Variants in RAB36 observed in about 807,000 individuals in gnomAD.
The protein encoded by RAB36 is RAB36, member RAS oncogene family.
A neutral mutation model predicts 39.3 loss-of-function variants in RAB36; 33 were observed. That is an observed-to-expected ratio of 0.84 (90% CI 0.64 to 1.12). The LOEUF (loss-of-function observed/expected upper bound fraction) is 1.12. Ranked by LOEUF, RAB36 falls within the 50% of genes most tolerant of loss-of-function variation. The probability of loss-of-function intolerance (pLI) is 0.00; values close to 1 mark genes in which losing one functional copy is unlikely to be tolerated. For missense variants in RAB36, 308 were observed against 355.3 expected, an observed-to-expected ratio of 0.87 and a Z score of 1.07; for synonymous variants, 133 against 140.2, an observed-to-expected ratio of 0.95 and a Z score of 0.36.
chr22:23,152,376 A>C, intron 3 of RAB36, 85 bp from the exon 4 acceptor site: 10 of 1,365,692 alleles, frequency 7.3e-6, no homozygotes, highest in African/African-American at 1.4e-5. Flanking sequence ...TCACCAGCAG[A>C]GAGCTCAGGG....
At position 23,161,519 on chromosome 22, in the gene RAB36, C is replaced by T. The variant is rs114387774; in HGVS notation, c.759C>T (p.Pro253=). The T allele has an allele frequency of 2.1e-4, 338 of 1,612,916 alleles. No homozygotes were observed. In the African/African-American group the frequency reaches 3.7e-3, roughly 18 times the overall value. Residue 253 remains proline, a synonymous_variant, in exon 11 of 11, where the codon CCC becomes CCT. Transcript: ENST00000263116. ...TTACAGAAATGGAAGGGAGTCCGCC[C>T]GAGACCCAGGAGAGCAAGAGGCCCT... is the stretch of plus-strand genomic sequence containing the variant. ...GDLIQMEGSP[P]ETQESKRPSS... is the part of the protein sequence containing the mutation.
At position 23,162,374 on chromosome 22, in the gene RAB36, C is replaced by T; in HGVS notation, c.*810C>T. 1 of 338,832 alleles carries T rather than the reference C, an allele frequency of 3.0e-6. No individual in the cohort carries two copies. Among genetic ancestry groups the T allele is most frequent in the Non-Finnish European group, 5.9e-6 (1 of 170,212 alleles). The allele number at this position is 338,832 out of a possible 1,614,324, so 21.0% of individuals were successfully genotyped here. A position where few individuals can be genotyped will look rare whatever the true frequency, so the allele number is the denominator to read the frequency against. On this transcript the variant is annotated 3_prime_UTR_variant, in exon 11 of 11. Coordinates refer to ENST00000263116, the MANE Select transcript of RAB36 (RefSeq NM_004914.5). ...TGCACAGCTGTCCTAGGGTAACTCA[C>T]TCTGCAGCCCTTGAACATGGCACTG...
chr22:23,154,195 A>G (rs1455397176), intron 5 of RAB36, among the ~76,000 whole-genome samples: 1 of 146,956 alleles, frequency 6.8e-6, no homozygotes, highest in Non-Finnish European at 1.5e-5. Flanking sequence ...CCTCACCTCT[A>G]CTCTCCTGTG....
intron 5 of RAB36, among the ~76,000 whole-genome samples, chr22:23,153,964 C>T (rs995463447): frequency 2.2e-4 from 33 of 152,142 alleles, no homozygotes; most frequent in African/African-American, 8.0e-4. Flanking sequence ...GCTGGGATTA[C>T]AGGTGTGAGC....
At chr22:23,160,537 C>T (rs1479300180) in intron 9 of RAB36, among the ~76,000 whole-genome samples, 2 of 152,204 alleles carry the variant, frequency 1.3e-5, no homozygotes, top group Non-Finnish European at 2.9e-5. Flanking sequence ...TCCTGAGTTC[C>T]ACATCTTCCA....
rs1601956462 is a variant in RAB36 at position 23,162,833 on chromosome 22, T to C, written c.*1269T>C. ...AATGTTCAGCTCAGCGATTGCCAAATACCAGTTAGGGAAGAACACTGGCAT... is the reference window on the plus strand; with the variant it reads ...AATGTTCAGCTCAGCGATTGCCAAACACCAGTTAGGGAAGAACACTGGCAT... On this transcript the variant is annotated 3_prime_UTR_variant, in exon 11 of 11. Coordinates refer to ENST00000263116, the MANE Select transcript of RAB36 (RefSeq NM_004914.5). 2 of 438,266 alleles carry C rather than the reference T, an allele frequency of 4.6e-6. No individual in the cohort carries two copies. Among genetic ancestry groups the C allele is most frequent in the South Asian group, 3.1e-5 (2 of 63,850 alleles). The allele number at this position is 438,266 out of a possible 1,614,324, so 27.1% of individuals were successfully genotyped here. A position where few individuals can be genotyped will look rare whatever the true frequency, so the allele number is the denominator to read the frequency against.
intron 1 of RAB36, among the ~76,000 whole-genome samples, chr22:23,146,293 TG>T (rs2070766168): frequency 6.6e-6 from 1 of 152,122 alleles, no homozygotes. Flanking sequence ...ACTGCACCCT[TG>T]ACCTCCCAGG....
chr22:23,167,943 A>G (rs572803358), downstream of RAB36, among the ~76,000 whole-genome samples: 18 of 151,934 alleles, frequency 1.2e-4, no homozygotes, highest in South Asian at 6.2e-4. Flanking sequence ...ACTTTCCATC[A>G]TCAAGCAATC....
Position 23,150,089 on chromosome 22 carries a change from G to A in RAB36, c.96G>A (p.Gln32=). ...PKWYTPEACL[Q]LREHFHGQVS... is the part of the protein sequence containing the mutation. ...GGTACACGCCGGAAGCCTGTTTGCAGCTCAGGGAGCACTTCCACGGGCAGG... is the reference window on the plus strand; with the variant it reads ...GGTACACGCCGGAAGCCTGTTTGCAACTCAGGGAGCACTTCCACGGGCAGG... Residue 32 remains glutamine (Q), a synonymous_variant, in exon 3 of 11, where the codon CAG becomes CAA. Transcript: ENST00000263116. 1.9e-6 allele frequency: 3 copies of A among 1,611,970 alleles called. No individual in the cohort carries two copies. Among genetic ancestry groups the A allele is most frequent in the East Asian group, 2.2e-5 (1 of 44,798 alleles).
downstream of RAB36, among the ~76,000 whole-genome samples, chr22:23,168,111 C>A (rs867067857): frequency 6.6e-6 from 1 of 152,188 alleles, no homozygotes; most frequent in East Asian, 1.9e-4. Flanking sequence ...CTGGAGCCCC[C>A]TTTCTGGCCC....
intron 2 of RAB36, among the ~76,000 whole-genome samples, chr22:23,148,244 A>G (rs1310049775): frequency 6.6e-6 from 1 of 152,144 alleles, no homozygotes; most frequent in African/African-American, 2.4e-5. Context: ...ACAGTTCCCC[A>G]TGGGTTTTCC....
chr22:23,161,756 C>T lies in RAB36; in HGVS notation c.*192C>T. On this transcript the variant is annotated 3_prime_UTR_variant, in exon 11 of 11. Coordinates refer to ENST00000263116, the MANE Select transcript of RAB36 (RefSeq NM_004914.5). ...TCACTTGTCCGTTGCAGGTTGGGCA[C>T]TAGAAAAGGCCCCCACTGGCTGCCT... 1 of 578,054 alleles carries T rather than the reference C, an allele frequency of 1.7e-6. No homozygotes were observed. The highest frequency in any genetic ancestry group is 3.1e-6 in the Non-Finnish European group (1 of 326,318). The allele number at this position is 578,054 out of a possible 1,614,324, so 35.8% of individuals were successfully genotyped here. A position where few individuals can be genotyped will look rare whatever the true frequency, so the allele number is the denominator to read the frequency against.
chr22:23,158,182 A>C, intron 7 of RAB36, 139 bp downstream of exon 7: 3 of 1,502,092 alleles, frequency 2.0e-6, no homozygotes, highest in Non-Finnish European at 2.7e-6. Flanking sequence ...CCAGCTGCCC[A>C]CGGACTACTT....
At chr22:23,155,579 G>A (rs562025867) in intron 5 of RAB36, among the ~76,000 whole-genome samples, 12 of 152,304 alleles carry the variant, frequency 7.9e-5, no homozygotes, top group African/African-American at 2.2e-4. Flanking sequence ...TGGAGGCCCC[G>A]CCTGGAGCCC....
In RAB36 at chr22:23,160,895, A is replaced by G; in HGVS notation, c.636A>G (p.Ala212=). ...VSAKTGENVK[A]FFSRVAALAF... is the part of the protein sequence containing the mutation. ...GGCCCACAGGCGAGAACGTGAAGGC[A>G]TTCTTCAGCCGCGTAGCCGCCCTGG... Residue 212 remains alanine, a synonymous_variant, in exon 10 of 11, where the codon GCA becomes GCG. Coordinates refer to ENST00000263116, the MANE Select transcript of RAB36 (RefSeq NM_004914.5). 6.2e-7 allele frequency: 1 copy of G among 1,613,758 alleles called. No individual in the cohort carries two copies. The highest frequency in any genetic ancestry group is 1.3e-5 in the African/African-American group (1 of 75,044).
chr22:23,155,210 T>C (rs1406956189), intron 5 of RAB36, among the ~76,000 whole-genome samples: 1 of 152,198 alleles, frequency 6.6e-6, no homozygotes, highest in Non-Finnish European at 1.5e-5. Flanking sequence ...TCAATTTTGA[T>C]CAGTTGACCT....
At chr22:23,158,116 G>A (rs2071563436) in intron 7 of RAB36, 73 bp downstream of exon 7, 1 of 1,593,090 alleles carries the variant, frequency 6.3e-7, no homozygotes, top group Non-Finnish European at 8.6e-7. Flanking sequence ...CCCAGACCCT[G>A]GCCAGTGGAC....
At chr22:23,146,519 G>A in intron 1 of RAB36, 86 bp from the exon 2 acceptor site, 1 of 1,536,156 alleles carries the variant, frequency 6.5e-7, no homozygotes, top group South Asian at 1.2e-5. Flanking sequence ...GCCTGGATCT[G>A]ATGAAAAGTT....
In RAB36 at chr22:23,156,000, G is replaced by A. The variant is rs542976886; in HGVS notation, c.362G>A (p.Cys121Tyr). 3.1e-6 allele frequency: 5 copies of A among 1,613,022 alleles called. No homozygotes were observed. The South Asian group carries it at 5.5e-5, about 18-fold the overall frequency. The stretch of plus-strand genomic sequence containing the variant: ...ACAGCTGGGCAGGAGAAGTTCAAGT[G>A]CATCGCATCTGCCTACTACCGGGGT... ...WDTAGQEKFK[C>Y]IASAYYRGAQ... Residue 121 changes from cysteine to tyrosine, a missense_variant, in exon 6 of 11, where the codon TGC becomes TAC. Cys to Tyr is a radical substitution (Grantham distance 194). Coordinates refer to ENST00000263116, the MANE Select transcript of RAB36 (RefSeq NM_004914.5).
Sources: gnomAD v4.1 joint callset for allele counts (sites outside exome capture counted in the v4.1 genomes callset) on GRCh38, gnomAD v4.1.1 for gene constraint, MANE v1.5 for transcripts, NCBI Gene and HGNC (gene_info 2026-07-23, HGNC 2026-07-21) for gene names.